The following EFR3B variants were observed in gnomAD, a reference collection of about 807,000 sequenced individuals.
The protein encoded by EFR3B is protein EFR3 homolog B.
In EFR3B, 64 loss-of-function variants were observed where a neutral mutation model predicts 104.7. The observed-to-expected ratio is 0.61, with a 90% CI of 0.50 to 0.75. The LOEUF (loss-of-function observed/expected upper bound fraction) is 0.75, where lower values mean the gene tolerates loss of function less well. EFR3B is among the 30% of genes least tolerant of loss of function. The pLI is 0.00. For synonymous variants in EFR3B, 385 were observed against 417.9 expected, an observed-to-expected ratio of 0.92 and a Z score of 0.96; for missense variants, 750 against 1,078.5, an observed-to-expected ratio of 0.70 and a Z score of 4.27.
chr2:25,096,289 C>T (rs1278160401), intron 3 of EFR3B, among the ~76,000 whole-genome samples: 1 of 152,190 alleles, frequency 6.6e-6, no homozygotes, highest in South Asian at 2.1e-4. Context: ...GCTGGGATTA[C>T]AGGCGGGAGC....
chr2:25,142,881 A>G (rs1166543038), intron 17 of EFR3B, among the ~76,000 whole-genome samples: 1 of 146,200 alleles, frequency 6.8e-6, no homozygotes, highest in Non-Finnish European at 1.5e-5. Flanking sequence ...GTAGTGTGCT[A>G]TGATGGTGCC....
At chr2:25,066,756 A>G (rs1183060856) in intron 1 of EFR3B, among the ~76,000 whole-genome samples, 1 of 152,098 alleles carries the variant, frequency 6.6e-6, no homozygotes, top group African/African-American at 2.4e-5. Context: ...CACTTGATGC[A>G]TTTTGTGTTG....
chr2:25,129,017 T>A (rs1325500810), intron 6 of EFR3B, among the ~76,000 whole-genome samples: 9 of 120,708 alleles, frequency 7.5e-5, no homozygotes, highest in African/African-American at 2.8e-4. Flanking sequence ...CTTTCATGGC[T>A]CCGATCACTG....
chr2:25,144,935 A>G, intron 18 of EFR3B, 25 bp from the exon 19 acceptor site: 1 of 1,547,302 alleles, frequency 6.5e-7, no homozygotes, highest in Non-Finnish European at 8.7e-7. Context: ...TGGGAACTAA[A>G]GCCTCTGGGC....
At chr2:25,149,809 C>A in intron 20 of EFR3B, 67 bp downstream of exon 20, 1 of 1,395,094 alleles carries the variant, frequency 7.2e-7, no homozygotes, top group Non-Finnish European at 1.0e-6. Context: ...CCTGTTCCTG[C>A]AGATGCAGCA....
chr2:25,106,511 G>A (rs916253143), intron 4 of EFR3B, among the ~76,000 whole-genome samples: 2 of 143,496 alleles, frequency 1.4e-5, no homozygotes, highest in Non-Finnish European at 3.0e-5. Flanking sequence ...AGGCTGGAAT[G>A]CAGTGGCACA....
At chr2:25,152,069 G>A in intron 21 of EFR3B, 49 bp downstream of exon 21, 1 of 1,532,288 alleles carries the variant, frequency 6.5e-7, no homozygotes, top group Non-Finnish European at 8.8e-7. Flanking sequence ...AGTCAAGACT[G>A]AATTTGGGTC....
At chr2:25,048,495 C>A (rs945140783) in intron 1 of EFR3B, among the ~76,000 whole-genome samples, 2 of 152,168 alleles carry the variant, frequency 1.3e-5, no homozygotes, top group African/African-American at 2.4e-5. Flanking sequence ...TGGAGAAGTA[C>A]TTGGTACTCA....
intron 3 of EFR3B, among the ~76,000 whole-genome samples, chr2:25,100,285 T>C (rs758228163): frequency 4.6e-5 from 7 of 152,220 alleles, no homozygotes; most frequent in Non-Finnish European, 8.8e-5. Flanking sequence ...GAAGAACGAA[T>C]CTTTTAATTC....
chr2:25,044,176 A>C (rs1443756766), intron 1 of EFR3B, among the ~76,000 whole-genome samples: 1 of 152,226 alleles, frequency 6.6e-6, no homozygotes, highest in Non-Finnish European at 1.5e-5. Flanking sequence ...GATTCATAGA[A>C]AGATTGTAAT....
At chr2:25,121,491 A>C (rs1259360743) in intron 4 of EFR3B, among the ~76,000 whole-genome samples, 182 bp from the exon 5 acceptor site, 2 of 152,158 alleles carry the variant, frequency 1.3e-5, no homozygotes, top group Non-Finnish European at 2.9e-5. Context: ...CTTATTGTGC[A>C]ACAGGAGAGG....
intron 1 of EFR3B, among the ~76,000 whole-genome samples, chr2:25,075,373 A>G (rs1177402720): frequency 6.6e-6 from 1 of 152,174 alleles, no homozygotes; most frequent in Non-Finnish European, 1.5e-5. Flanking sequence ...TTTTTTTAAC[A>G]AAGTGCTCAA....
At chr2:25,056,719 A>G (rs1270264485) in intron 1 of EFR3B, among the ~76,000 whole-genome samples, 1 of 152,038 alleles carries the variant, frequency 6.6e-6, no homozygotes, top group African/African-American at 2.4e-5. Flanking sequence ...CAAATACAGT[A>G]AGCACGTCTG....
intron 1 of EFR3B, among the ~76,000 whole-genome samples, chr2:25,065,976 C>G (rs867608313): frequency 1.9e-4 from 29 of 152,336 alleles, no homozygotes; most frequent in African/African-American, 4.3e-4. Flanking sequence ...CACCTCATCT[C>G]TGGTCCTCTA....
chr2:25,140,002 T>A (rs114430606), intron 16 of EFR3B, among the ~76,000 whole-genome samples: 2 of 152,142 alleles, frequency 1.3e-5, no homozygotes, highest in Non-Finnish European at 2.9e-5. Flanking sequence ...GATACCAACA[T>A]GTAGGATTAA....
At chr2:25,094,570 C>T (rs1669226983) in intron 3 of EFR3B, among the ~76,000 whole-genome samples, 1 of 152,064 alleles carries the variant, frequency 6.6e-6, no homozygotes, top group Admixed American at 6.6e-5. Flanking sequence ...TTATTAAATT[C>T]ATCACAAAGG....
intron 1 of EFR3B, among the ~76,000 whole-genome samples, chr2:25,053,814 G>A (rs1261317617): frequency 6.6e-6 from 1 of 152,216 alleles, no homozygotes; most frequent in Non-Finnish European, 1.5e-5. Flanking sequence ...GGCTGAGGCA[G>A]GAGAATCGCT....
intron 1 of EFR3B, among the ~76,000 whole-genome samples, chr2:25,060,153 G>A (rs912864196): frequency 2.6e-5 from 4 of 152,084 alleles, no homozygotes; most frequent in East Asian, 1.9e-4. Context: ...CTGAGATCAC[G>A]CCATTGCACT....
intron 1 of EFR3B, among the ~76,000 whole-genome samples, chr2:25,058,772 C>A (rs34932517): frequency 7.6e-6 from 1 of 131,742 alleles, no homozygotes; most frequent in Admixed American, 7.3e-5. Context: ...GCGCCCCCCC[C>A]CCCAAAAAAA....
Sources: allele counts gnomAD v4.1 joint callset (sites outside exome capture counted in the v4.1 genomes callset), GRCh38; gene constraint gnomAD v4.1.1; transcripts MANE v1.5; gene names NCBI Gene and HGNC (gene_info 2026-07-23, HGNC 2026-07-21).